AGPAT4: variants seen among roughly 807,000 people sequenced by gnomAD.
AGPAT4 encodes 1-acylglycerol-3-phosphate O-acyltransferase 4.
A neutral mutation model predicts 48.0 loss-of-function variants in AGPAT4; 15 were observed. That is an observed-to-expected ratio of 0.31 (90% CI 0.21 to 0.48). The LOEUF (loss-of-function observed/expected upper bound fraction) is 0.48. Among genes scored for constraint, AGPAT4 ranks in the 20% least tolerant of loss-of-function variants. AGPAT4 has a pLI of 0.99. For missense variants in AGPAT4, 314 were observed against 482.5 expected, an observed-to-expected ratio of 0.65 and a Z score of 3.27; for synonymous variants, 178 against 198.7, an observed-to-expected ratio of 0.90 and a Z score of 0.88.
chr6:161,172,423 G>A (rs1480150541), intron 2 of AGPAT4, among the ~76,000 whole-genome samples: 1 of 152,190 alleles, frequency 6.6e-6, no homozygotes, highest in Non-Finnish European at 1.5e-5. Flanking sequence ...ACTCATCACA[G>A]TGTGGAGAGG....
At chr6:161,253,051 T>C (rs1317609516) in intron 1 of AGPAT4, among the ~76,000 whole-genome samples, 1 of 150,742 alleles carries the variant, frequency 6.6e-6, no homozygotes, top group Non-Finnish European at 1.5e-5. Context: ...CCGTCTCTAC[T>C]AAAAGTACAA....
chr6:161,199,336 C>A (rs953557514), intron 2 of AGPAT4, among the ~76,000 whole-genome samples: 1 of 152,192 alleles, frequency 6.6e-6, no homozygotes, highest in Non-Finnish European at 1.5e-5. Context: ...GGGCTCAAAC[C>A]ACATGGCTGG....
At chr6:161,186,140 C>A (rs150755534) in intron 2 of AGPAT4, among the ~76,000 whole-genome samples, 11 of 152,136 alleles carry the variant, frequency 7.2e-5, no homozygotes, top group Non-Finnish European at 1.5e-4. Context: ...TCCAGCCCCC[C>A]ACTTCTTGGG....
chr6:161,146,677 GTTTTTTGT>G lies in AGPAT4; in HGVS notation c.768-86_768-79del. ...TACAGTTTCCAGTAACGGTGCTGCCGTTTTTTGTTTTTATCTGGGTCACCTAAATAATG... is the reference window on the plus strand; with the variant it reads ...TACAGTTTCCAGTAACGGTGCTGCCGTTTTATCTGGGTCACCTAAATAATG... On this transcript the variant is annotated intron_variant, in intron 6 of 8. Coordinates refer to ENST00000320285, the MANE Select transcript of AGPAT4 (RefSeq NM_020133.3). This position sits in a 1 kb window ranked among gnomAD's most constrained non-coding sequence, Gnocchi z 7.1. 1.4e-6 allele frequency: 2 copies of G among 1,397,134 alleles called. No homozygotes were observed. The highest frequency in any genetic ancestry group is 2.0e-6 in the Non-Finnish European group (2 of 992,402). The allele number at this position is 1,397,134 out of a possible 1,614,324, so 86.5% of individuals were successfully genotyped here.
rs1779707454 is a variant in AGPAT4, at chr6:161,154,485, G to A, written c.349-175C>T. Among the ~76,000 whole-genome samples, 1 of 152,146 alleles carries A rather than the reference G, an allele frequency of 6.6e-6. No individual in the cohort carries two copies. ...ACCCTGGTGCCCTCCCCACCTTTCA[G>A]CTAGAGGTCCAGGTTGTGCTTGCCC... is the stretch of plus-strand genomic sequence containing the variant. On this transcript the variant is annotated intron_variant, in intron 3 of 8. Transcript: ENST00000320285. The surrounding 1 kb of genome is among the most constrained non-coding windows in gnomAD (Gnocchi z 7.8).
chr6:161,150,197 T>G (rs1421678431), intron 5 of AGPAT4, among the ~76,000 whole-genome samples: 1 of 152,164 alleles, frequency 6.6e-6, no homozygotes, highest in Non-Finnish European at 1.5e-5. Context: ...AAGAGATAAA[T>G]GCACAGTGGA....
intron 1 of AGPAT4, among the ~76,000 whole-genome samples, chr6:161,273,054 C>A (rs1783474625): frequency 6.6e-6 from 1 of 152,136 alleles, no homozygotes; most frequent in Non-Finnish European, 1.5e-5. Context: ...TTTATCAGTG[C>A]GAATTCTCCA....
In AGPAT4 at chr6:161,159,602, C is replaced by T. The variant is rs1168945357; in HGVS notation, c.349-5292G>A. On this transcript the variant is annotated intron_variant, in intron 3 of 8. Transcript: ENST00000320285. This position sits in a 1 kb window ranked among gnomAD's most constrained non-coding sequence, Gnocchi z 4.1. Reference sequence around the variant, plus strand: ...TCAAAATAATGAATCAGTTTGTGTGCACGCGTGCGTGTGTGTGTGTGTTCA... The same window carrying T: ...TCAAAATAATGAATCAGTTTGTGTGTACGCGTGCGTGTGTGTGTGTGTTCA... 2.0e-5 allele frequency among the ~76,000 whole-genome samples: 3 copies of T among 152,172 alleles called. No homozygotes were observed. The highest frequency in any genetic ancestry group is 7.2e-5 in the African/African-American group (3 of 41,440).
chr6:161,182,208 A>G (rs1780618096), intron 2 of AGPAT4, among the ~76,000 whole-genome samples: 1 of 146,914 alleles, frequency 6.8e-6, no homozygotes, highest in East Asian at 2.1e-4. Context: ...CCAGCCCTGC[A>G]TCCCAGCCTC....
At chr6:161,227,046 G>A (rs540553969) in intron 2 of AGPAT4, among the ~76,000 whole-genome samples, 3 of 152,314 alleles carry the variant, frequency 2.0e-5, no homozygotes, top group African/African-American at 7.2e-5. Flanking sequence ...TTCAAATTCA[G>A]GCCTCACCTA....
Position 161,244,942 on chromosome 6 carries a change from G to A in AGPAT4, c.-89-12640C>T, listed in dbSNP as rs1172266625. ...CTATCTCAGAAAACCAAGGAGATGC[G>A]AAGTGATAGCAACCAGAGCCAAAGG... is the stretch of plus-strand genomic sequence containing the variant. On this transcript the variant is annotated intron_variant, in intron 1 of 8. Transcript: ENST00000320285. This position sits in a 1 kb window ranked among gnomAD's most constrained non-coding sequence, Gnocchi z 4.7. 1.3e-5 allele frequency among the ~76,000 whole-genome samples: 2 copies of A among 152,190 alleles called. No homozygotes were observed. Among genetic ancestry groups the A allele is most frequent in the Non-Finnish European group, 2.9e-5 (2 of 68,038 alleles).
Position 161,141,422 on chromosome 6 carries a change from G to A in AGPAT4, c.844-1802C>T, listed in dbSNP as rs1208100646. ...GAGACAAGGAGGTGAGCACCATGAC[G>A]GTCAGCAGCACAGGCAATGCCCAGA... On this transcript the variant is annotated intron_variant, in intron 7 of 8. Transcript: ENST00000320285. This position sits in a 1 kb window ranked among gnomAD's most constrained non-coding sequence, Gnocchi z 6.7. Among the ~76,000 whole-genome samples the A allele has an allele frequency of 1.3e-5, 2 of 152,114 alleles. No homozygotes were observed. The highest frequency in any genetic ancestry group is 2.4e-5 in the African/African-American group (1 of 41,410).
In AGPAT4 at chr6:161,204,700, A is replaced by G. The variant is rs1363644944; in HGVS notation, c.178+27336T>C. Among the ~76,000 whole-genome samples the G allele has an allele frequency of 5.9e-5, 9 of 152,070 alleles. No individual in the cohort carries two copies. The highest frequency in any genetic ancestry group is 1.3e-4 in the Non-Finnish European group (9 of 68,020). ...CAGCTGTTAAAAAAAAATGTTCCCT[A>G]AATTCACAGAATATGAGTGCTACAG... On this transcript the variant is annotated intron_variant, in intron 2 of 8. Transcript: ENST00000320285. The surrounding 1 kb of genome is among the most constrained non-coding windows in gnomAD (Gnocchi z 4.4).
At position 161,198,618 on chromosome 6, in the gene AGPAT4, C is replaced by A. The variant is rs548795417; in HGVS notation, c.179-32201G>T. On this transcript the variant is annotated intron_variant, in intron 2 of 8. Transcript: ENST00000320285. The surrounding 1 kb of genome is among the most constrained non-coding windows in gnomAD (Gnocchi z 4.3). ...TACATCCTGGCCCCACCATCTACTA[C>A]TTGTGAGACTTTGGACATGCTATTT... Among the ~76,000 whole-genome samples the A allele has an allele frequency of 1.8e-4, 28 of 152,358 alleles. No homozygotes were observed. Among genetic ancestry groups the A allele is most frequent in the African/African-American group, 6.7e-4 (28 of 41,580 alleles).
chr6:161,159,267 C>T lies in AGPAT4; in HGVS notation c.349-4957G>A, dbSNP rs2114971855. On this transcript the variant is annotated intron_variant, in intron 3 of 8. Transcript: ENST00000320285. This position sits in a 1 kb window ranked among gnomAD's most constrained non-coding sequence, Gnocchi z 4.1. The stretch of plus-strand genomic sequence containing the variant: ...GTGCATAAGCGCATCAGATTGGAAT[C>T]TTCAACCCAAGGCTGCTCTGTCTGT... Among the ~76,000 whole-genome samples, 1 of 152,332 alleles carries T rather than the reference C, an allele frequency of 6.6e-6. No homozygotes were observed. Among genetic ancestry groups the T allele is most frequent in the African/African-American group, 2.4e-5 (1 of 41,574 alleles).
rs1385900393 is a variant in AGPAT4, at chr6:161,161,445, A to G, written c.348+4803T>C. 1 of 456,722 alleles carries G rather than the reference A, an allele frequency of 2.2e-6. No homozygotes were observed. Among genetic ancestry groups the G allele is most frequent in the Non-Finnish European group, 4.4e-6 (1 of 226,974 alleles). 28.3% of individuals were successfully genotyped at this position (456,722 alleles called of 1,614,324 possible). ...CCAAACCCAGTGAATGGTAAGAGGCAGAGGGTGGCGTCCCAGCCCATTCCT... is the reference window on the plus strand; with the variant it reads ...CCAAACCCAGTGAATGGTAAGAGGCGGAGGGTGGCGTCCCAGCCCATTCCT... On this transcript the variant is annotated intron_variant, in intron 3 of 8. Coordinates refer to ENST00000320285, the MANE Select transcript of AGPAT4 (RefSeq NM_020133.3). This position sits in a 1 kb window ranked among gnomAD's most constrained non-coding sequence, Gnocchi z 4.6.
Position 161,146,482 on chromosome 6 carries a change from C to T in AGPAT4, c.843+42G>A, listed in dbSNP as rs1779430878. On this transcript the variant is annotated intron_variant, in intron 7 of 8. Coordinates refer to ENST00000320285, the MANE Select transcript of AGPAT4 (RefSeq NM_020133.3). This position sits in a 1 kb window ranked among gnomAD's most constrained non-coding sequence, Gnocchi z 7.1. ...ACAACACAGCCACACGGCGCACCCA[C>T]AGCTGCAACGTGAAGGGACCCCTGG... 1 of 1,598,204 alleles carries T rather than the reference C, an allele frequency of 6.3e-7. No individual in the cohort carries two copies. The highest frequency in any genetic ancestry group is 1.7e-5 in the Admixed American group (1 of 59,936).
rs759524229 is a variant in AGPAT4 at position 161,136,534 on chromosome 6, CCT to C, written c.*4_*5del. On this transcript the variant is annotated 3_prime_UTR_variant, in exon 9 of 9. Transcript: ENST00000320285. ...GGTTCCCTTCGGATGGTGACACCTC[CCT>C]GAGTCAGTCATTCAGTTTCTGCTTG... 3.7e-6 allele frequency: 6 copies of C among 1,613,780 alleles called. No individual in the cohort carries two copies. The highest frequency in any genetic ancestry group is 1.3e-5 in the African/African-American group (1 of 74,924).
Position 161,143,585 on chromosome 6 carries a change from G to A in AGPAT4, c.843+2939C>T, listed in dbSNP as rs930041331. Among the ~76,000 whole-genome samples the A allele has an allele frequency of 2.6e-5, 4 of 152,188 alleles. No homozygotes were observed. Among genetic ancestry groups the A allele is most frequent in the African/African-American group, 7.2e-5 (3 of 41,442 alleles). On this transcript the variant is annotated intron_variant, in intron 7 of 8. Coordinates refer to ENST00000320285, the MANE Select transcript of AGPAT4 (RefSeq NM_020133.3). This position sits in a 1 kb window ranked among gnomAD's most constrained non-coding sequence, Gnocchi z 4.7. Reference sequence around the variant, plus strand: ...GAGGTTGTAGGTTCAGCCTCAGAGCGAGTTTACCTGGGAACTGCTTTTGTC... The same window carrying A: ...GAGGTTGTAGGTTCAGCCTCAGAGCAAGTTTACCTGGGAACTGCTTTTGTC...
Sources: allele counts gnomAD v4.1 joint callset (sites outside exome capture counted in the v4.1 genomes callset), GRCh38; gene constraint gnomAD v4.1.1; non-coding constraint Gnocchi (gnomAD v3.1); transcripts MANE v1.5; gene names NCBI Gene and HGNC (gene_info 2026-07-23, HGNC 2026-07-21).